The following TBC1D23 variants were observed in gnomAD, a reference collection of about 807,000 sequenced individuals.
TBC1D23 encodes HCV non-structural protein 4A-transactivated protein 1.
In TBC1D23, 55 loss-of-function variants were observed where a neutral mutation model predicts 91.4. The ratio of observed to expected loss-of-function variants is 0.60; its 90% CI spans 0.48 to 0.75. The LOEUF is 0.75. Ranked by LOEUF, TBC1D23 falls within the 30% of genes least tolerant of loss-of-function variation. The probability of loss-of-function intolerance (pLI) is 0.00; values close to 1 mark genes in which losing one functional copy is unlikely to be tolerated. For missense variants in TBC1D23, 725 were observed against 836.1 expected, an observed-to-expected ratio of 0.87 and a Z score of 1.64; for synonymous variants, 289 against 281.0, an observed-to-expected ratio of 1.03 and a Z score of -0.28.
chr3:100,302,347 TG>T, intron 11 of TBC1D23, 110 bp downstream of exon 11: 1 of 900,670 alleles, frequency 1.1e-6, no homozygotes, highest in Non-Finnish European at 1.6e-6. Context: ...TTCTTGGTTT[TG>T]TGACTTGTTA....
chr3:100,314,881 C>A (rs1461705928), intron 15 of TBC1D23, among the ~76,000 whole-genome samples: 1 of 152,144 alleles, frequency 6.6e-6, no homozygotes, highest in African/African-American at 2.4e-5. Context: ...TTTCATGTTA[C>A]ATGCACACAC....
chr3:100,310,274 T>G, intron 13 of TBC1D23, 129 bp from the exon 14 acceptor site: 1 of 782,526 alleles, frequency 1.3e-6, no homozygotes, highest in Non-Finnish European at 2.1e-6. Context: ...TGAGATATAC[T>G]GGGAGTTAGG....
chr3:100,312,317 C>T (rs192017579), intron 15 of TBC1D23, among the ~76,000 whole-genome samples: 131 of 152,114 alleles, frequency 8.6e-4, no homozygotes, highest in Non-Finnish European at 1.5e-3. Context: ...AATTTGTGTA[C>T]ATTATGTAAT....
In TBC1D23 at chr3:100,261,637, C is replaced by T. The variant is rs114681514; in HGVS notation, c.53+566C>T. On this transcript the variant is annotated intron_variant, in intron 1 of 18. Coordinates refer to ENST00000394144, the MANE Select transcript of TBC1D23 (RefSeq NM_001199198.3). Reference sequence around the variant, plus strand: ...TTCACGCAAGTCATCTTTTCCCCTACTACCACATTTCTCACAGCTCGATTT... The same window carrying T: ...TTCACGCAAGTCATCTTTTCCCCTATTACCACATTTCTCACAGCTCGATTT... 571 of 150,840 alleles carry T rather than the reference C, an allele frequency of 3.8e-3. 4 individuals are homozygous for T. Among genetic ancestry groups the T allele is most frequent in the Non-Finnish European group, 5.8e-3 (391 of 67,532 alleles). 9.3% of individuals were successfully genotyped at this position (150,840 alleles called of 1,614,324 possible).
At chr3:100,279,809 T>C in intron 2 of TBC1D23, 49 bp downstream of exon 2, 1 of 1,201,660 alleles carries the variant, frequency 8.3e-7, no homozygotes, top group Non-Finnish European at 1.2e-6. Context: ...AGAATAATAT[T>C]TTTAAAAGTT....
intron 3 of TBC1D23, among the ~76,000 whole-genome samples, chr3:100,282,512 A>G (rs1176472000): frequency 2.6e-5 from 4 of 152,214 alleles, no homozygotes; most frequent in African/African-American, 9.6e-5. Context: ...TGCTGTAGAG[A>G]AACTACTATA....
At chr3:100,314,623 G>C (rs1207313239) in intron 15 of TBC1D23, among the ~76,000 whole-genome samples, 1 of 152,048 alleles carries the variant, frequency 6.6e-6, no homozygotes, top group Non-Finnish European at 1.5e-5. Context: ...AAATTAGGCA[G>C]GCGTAGTGGC....
chr3:100,273,159 A>C (rs946046351), intron 1 of TBC1D23, among the ~76,000 whole-genome samples: 3 of 151,390 alleles, frequency 2.0e-5, no homozygotes, highest in Non-Finnish European at 4.4e-5. Flanking sequence ...AGGTCCCTGC[A>C]GCCTTCCGCA....
chr3:100,265,187 T>C (rs2067547921), intron 1 of TBC1D23, among the ~76,000 whole-genome samples: 1 of 152,266 alleles, frequency 6.6e-6, no homozygotes, highest in African/African-American at 2.4e-5. Flanking sequence ...AGTAAATGTT[T>C]ATTGAATGAA....
chr3:100,263,880 T>C (rs1035558283), intron 1 of TBC1D23, among the ~76,000 whole-genome samples: 8 of 152,324 alleles, frequency 5.3e-5, no homozygotes, highest in Non-Finnish European at 8.8e-5. Context: ...AGTGAATGTT[T>C]ACTAGAGACA....
chr3:100,322,337 C>T (rs1705874053), intron 18 of TBC1D23, among the ~76,000 whole-genome samples: 1 of 152,156 alleles, frequency 6.6e-6, no homozygotes, highest in South Asian at 2.1e-4. Context: ...TCGTGATCCA[C>T]CCACCTTGGC....
intron 5 of TBC1D23, among the ~76,000 whole-genome samples, chr3:100,291,179 A>T (rs1449849320): frequency 6.6e-6 from 1 of 152,182 alleles, no homozygotes; most frequent in Non-Finnish European, 1.5e-5. Flanking sequence ...TCTGTATTTT[A>T]TTTTCAATGG....
In TBC1D23 at chr3:100,324,160, T is replaced by C. The variant is rs890694681; in HGVS notation, c.*492T>C. 6.6e-6 allele frequency: 1 copy of C among 152,234 alleles called. No individual in the cohort carries two copies. The highest frequency in any genetic ancestry group is 1.5e-5 in the Non-Finnish European group (1 of 68,034). The allele number at this position is 152,234 out of a possible 1,614,324, so 9.4% of individuals were successfully genotyped here. On this transcript the variant is annotated 3_prime_UTR_variant, in exon 19 of 19. Transcript: ENST00000394144. ...ATTAATAATTCACTCACTGTTTCTATTCTTCTTAAAAAGAGTGAAATCTTT... is the reference window on the plus strand; with the variant it reads ...ATTAATAATTCACTCACTGTTTCTACTCTTCTTAAAAAGAGTGAAATCTTT...
intron 4 of TBC1D23, 86 bp downstream of exon 4, chr3:100,283,897 C>T (rs903776854): frequency 9.7e-6 from 7 of 718,614 alleles, no homozygotes; most frequent in African/African-American, 7.1e-5. Flanking sequence ...TTTACTTTGG[C>T]GGTAAAGTAA....
Position 100,279,712 on chromosome 3 carries a change from A to G in TBC1D23, c.117A>G (p.Ile39Met). ...GGCDLETLRN[I>M]IQGRPLPADL... ...GTGATCTTGAAACGTTGAGAAATATAATTCAAGGAAGACCGCTGCCTGCTG... is the reference window on the plus strand; with the variant it reads ...GTGATCTTGAAACGTTGAGAAATATGATTCAAGGAAGACCGCTGCCTGCTG... Residue 39 changes from isoleucine to methionine, a missense_variant, in exon 2 of 19, where the codon ATA becomes ATG. Physicochemically the swap from Ile to Met is conservative, Grantham distance 10. Coordinates refer to ENST00000394144, the MANE Select transcript of TBC1D23 (RefSeq NM_001199198.3). 6.2e-7 allele frequency: 1 copy of G among 1,608,918 alleles called. No homozygotes were observed.
intron 4 of TBC1D23, among the ~76,000 whole-genome samples, chr3:100,290,083 G>A (rs2067776499): frequency 6.6e-6 from 1 of 152,166 alleles, no homozygotes; most frequent in Non-Finnish European, 1.5e-5. Context: ...AATTTGCTCT[G>A]AGGAGTTGGT....
intron 18 of TBC1D23, among the ~76,000 whole-genome samples, chr3:100,323,044 T>A (rs954833210): frequency 2.6e-5 from 4 of 152,198 alleles, no homozygotes; most frequent in Non-Finnish European, 4.4e-5. Flanking sequence ...TTATCTTTTT[T>A]AAATATTTCA....
chr3:100,294,577 A>T (rs2067821603), intron 5 of TBC1D23, among the ~76,000 whole-genome samples: 1 of 152,130 alleles, frequency 6.6e-6, no homozygotes, highest in Admixed American at 6.6e-5. Flanking sequence ...CTTTCAAGTG[A>T]TGTACAAGTG....
intron 9 of TBC1D23, 23 bp downstream of exon 9, chr3:100,298,068 G>C: frequency 3.1e-6 from 5 of 1,605,398 alleles, no homozygotes; most frequent in Non-Finnish European, 4.3e-6. Flanking sequence ...AACCCAGTTT[G>C]TTAGGGGACT....
Sources: allele counts gnomAD v4.1 joint callset (sites outside exome capture counted in the v4.1 genomes callset), GRCh38; gene constraint gnomAD v4.1.1; transcripts MANE v1.5; gene names NCBI Gene and HGNC (gene_info 2026-07-23, HGNC 2026-07-21).